Variants in EXOC2 observed in about 807,000 individuals in gnomAD.
EXOC2 encodes the protein exocyst complex component 2.
In EXOC2, 70 loss-of-function variants were observed where a neutral mutation model predicts 131.8. That is an observed-to-expected ratio of 0.53 (90% CI 0.44 to 0.65). EXOC2 has a LOEUF of 0.65. Ranked by LOEUF, EXOC2 falls within the 30% of genes least tolerant of loss-of-function variation. The pLI is 0.00. For missense variants in EXOC2, 923 were observed against 1,108.6 expected, an observed-to-expected ratio of 0.83 and a Z score of 2.38; for synonymous variants, 411 against 398.4, an observed-to-expected ratio of 1.03 and a Z score of -0.38.
chr6:656,248 T>C (rs1763076673), intron 1 of EXOC2: 1 of 1,614,114 alleles, frequency 6.2e-7, no homozygotes, highest in African/African-American at 1.3e-5. Flanking sequence ...AGCTTCCGAT[T>C]GTCCACCCGC....
At chr6:559,684 A>G (rs1041449072) in intron 17 of EXOC2, among the ~76,000 whole-genome samples, 1 of 152,230 alleles carries the variant, frequency 6.6e-6, no homozygotes, top group African/African-American at 2.4e-5. Context: ...CTTCTGAAGT[A>G]ACTATTTCAG....
rs1765029870 is a variant in EXOC2, at chr6:693,094, C to A, written c.-119G>T. 6.6e-6 allele frequency: 1 copy of A among 152,426 alleles called. No homozygotes were observed. The highest frequency in any genetic ancestry group is 1.5e-5 in the Non-Finnish European group (1 of 68,202). 9.4% of individuals were successfully genotyped at this position (152,426 alleles called of 1,614,324 possible). On this transcript the variant is annotated 5_prime_UTR_variant, in exon 1 of 28. Transcript: ENST00000230449. ...GTCTCGCCGAAGACTCCGCGGCCGCCAGCCGCCGGCACCTCACTTCCGCCC... is the reference window on the plus strand; with the variant it reads ...GTCTCGCCGAAGACTCCGCGGCCGCAAGCCGCCGGCACCTCACTTCCGCCC...
intron 4 of EXOC2, among the ~76,000 whole-genome samples, chr6:621,150 C>G (rs1761270488): frequency 6.6e-6 from 1 of 152,218 alleles, no homozygotes; most frequent in Non-Finnish European, 1.5e-5. Flanking sequence ...TAGCAAGGTG[C>G]TTGCACACCT....
Position 557,617 on chromosome 6 carries a change from C to CAA in EXOC2, c.1852-1055_1852-1054dup, listed in dbSNP as rs59474432. ...TGGGTGACAGAGAGAGACTTCATCT[C>CAA]AAAAAAAAAAAAAAAAAAGAAAAGA... On this transcript the variant is annotated intron_variant, in intron 17 of 27. Transcript: ENST00000230449. 4.1e-3 allele frequency among the ~76,000 whole-genome samples: 449 copies of CAA among 110,444 alleles called. 17 individuals carry two copies. The highest frequency in any genetic ancestry group is 9.5e-3 in the Middle Eastern group (2 of 210). The allele number at this position is 110,444 out of a possible 152,430, so 72.5% of individuals were successfully genotyped here.
At chr6:546,855 C>G (rs1321641142) in intron 22 of EXOC2, among the ~76,000 whole-genome samples, 2 of 152,162 alleles carry the variant, frequency 1.3e-5, no homozygotes, top group Non-Finnish European at 2.9e-5. Flanking sequence ...TTAGGGTGGT[C>G]AAAAGTTACA....
chr6:505,496 GACA>G (rs963988595), intron 23 of EXOC2, among the ~76,000 whole-genome samples: 9 of 152,180 alleles, frequency 5.9e-5, no homozygotes, highest in African/African-American at 2.2e-4. Flanking sequence ...GTAAAACAGA[GACA>G]ACATTTAAGT....
At chr6:487,305 A>C (rs1282478640) in intron 27 of EXOC2, among the ~76,000 whole-genome samples, 1 of 122,344 alleles carries the variant, frequency 8.2e-6, no homozygotes, top group African/African-American at 2.6e-5. Flanking sequence ...GCAGTGAGTT[A>C]ACCACCAGGG....
chr6:580,717 T>A (rs1476748517), intron 11 of EXOC2, among the ~76,000 whole-genome samples: 1 of 152,164 alleles, frequency 6.6e-6, no homozygotes, highest in Non-Finnish European at 1.5e-5. Context: ...TCCTGTAAAA[T>A]ATACCTGTAA....
chr6:546,402 T>A (rs1392346929), intron 22 of EXOC2, among the ~76,000 whole-genome samples: 1 of 152,212 alleles, frequency 6.6e-6, no homozygotes, highest in Non-Finnish European at 1.5e-5. Flanking sequence ...GATACCCTGA[T>A]CTCATGAATT....
chr6:520,969 C>G (rs1765408019), intron 23 of EXOC2, among the ~76,000 whole-genome samples: 2 of 151,210 alleles, frequency 1.3e-5, no homozygotes, highest in Non-Finnish European at 2.9e-5. Flanking sequence ...GAGATGAAAA[C>G]AACCACCCAC....
chr6:556,406 C>T (rs918485651), intron 18 of EXOC2, 78 bp downstream of exon 18: 13 of 1,415,308 alleles, frequency 9.2e-6, no homozygotes, highest in South Asian at 6.0e-5. Context: ...TCTTGCAGTA[C>T]GATGAGTCAA....
At chr6:563,945 C>G in intron 16 of EXOC2, 88 bp downstream of exon 16, 1 of 1,510,490 alleles carries the variant, frequency 6.6e-7, no homozygotes, top group Admixed American at 2.3e-5. Flanking sequence ...GTAATTTTCC[C>G]TTGTTTTCAA....
intron 6 of EXOC2, among the ~76,000 whole-genome samples, chr6:610,511 C>T (rs1760659314): frequency 6.6e-6 from 1 of 152,194 alleles, no homozygotes; most frequent in African/African-American, 2.4e-5. Flanking sequence ...ATCCAAAATG[C>T]TCCAAAATCT....
chr6:684,208 A>C (rs1035049808), intron 1 of EXOC2, among the ~76,000 whole-genome samples: 1 of 151,584 alleles, frequency 6.6e-6, no homozygotes, highest in Non-Finnish European at 1.5e-5. Context: ...CCGCAGGAAG[A>C]GGGGGAGGGG....
chr6:545,129 G>A (rs1756772250), intron 22 of EXOC2, among the ~76,000 whole-genome samples: 1 of 133,958 alleles, frequency 7.5e-6, no homozygotes, highest in Non-Finnish European at 1.5e-5. Context: ...AGTCCGGCCT[G>A]GGCGACAGAG....
At chr6:568,094 T>C (rs1352416924) in intron 13 of EXOC2, among the ~76,000 whole-genome samples, 2 of 152,174 alleles carry the variant, frequency 1.3e-5, no homozygotes, top group African/African-American at 2.4e-5. Flanking sequence ...TTAAGGACCT[T>C]GTGATGGTTA....
At chr6:540,199 C>A (rs915311449) in intron 22 of EXOC2, among the ~76,000 whole-genome samples, 6 of 152,314 alleles carry the variant, frequency 3.9e-5, no homozygotes, top group African/African-American at 7.2e-5. Context: ...AGGTGATCCA[C>A]CCACCTCAGC....
At chr6:584,116 TACA>T (rs1759070222) in intron 11 of EXOC2, among the ~76,000 whole-genome samples, 1 of 152,230 alleles carries the variant, frequency 6.6e-6, no homozygotes, top group Non-Finnish European at 1.5e-5. Flanking sequence ...TTAGCACATA[TACA>T]ACAATACACT....
chr6:486,364 A>T lies in EXOC2; in HGVS notation c.*307T>A. On this transcript the variant is annotated 3_prime_UTR_variant, in exon 28 of 28. Coordinates refer to ENST00000230449, the MANE Select transcript of EXOC2 (RefSeq NM_018303.6). ...AATATGTGCCACGCCATTCCAGAAA[A>T]CTCCCTGCAGAAGCAGCTCTTCCTG... 4.0e-6 allele frequency: 1 copy of T among 251,400 alleles called. No homozygotes were observed. Among genetic ancestry groups the T allele is most frequent in the Non-Finnish European group, 7.6e-6 (1 of 132,052 alleles). 15.6% of individuals were successfully genotyped at this position (251,400 alleles called of 1,614,324 possible). A position where few individuals can be genotyped will look rare whatever the true frequency, so the allele number is the denominator to read the frequency against.
Sources: gnomAD v4.1 joint callset for allele counts (sites outside exome capture counted in the v4.1 genomes callset) on GRCh38, gnomAD v4.1.1 for gene constraint, MANE v1.5 for transcripts, NCBI Gene and HGNC (gene_info 2026-07-23, HGNC 2026-07-21) for gene names.